Variants in RNASET2 observed in about 807,000 individuals in gnomAD.
RNASET2 encodes ribonuclease 6.
Under a neutral mutation model 33.9 loss-of-function variants are expected in RNASET2, and 28 were observed. The ratio of observed to expected loss-of-function variants is 0.83; its 90% confidence interval spans 0.61 to 1.13. The LOEUF is 1.13. Ranked by LOEUF, RNASET2 falls within the 50% of genes most tolerant of loss-of-function variation. RNASET2 has a pLI of 0.00. For synonymous variants in RNASET2, 123 were observed against 121.0 expected (o/e 1.02, Z -0.11); for missense variants, 330 against 319.9 (o/e 1.03, Z -0.24).
chr6:166,944,294 C>A (rs761498330), intron 4 of RNASET2, among the ~76,000 whole-genome samples: 3 of 152,090 alleles, frequency 2.0e-5, no homozygotes, highest in Admixed American at 6.5e-5. Flanking sequence ...CAAAAAAACC[C>A]CAAAAAGGTC....
rs939676646 is a variant in RNASET2 at position 166,926,597 on chromosome 6, TGTTA to T, written c.*2987_*2990del. Among the ~76,000 whole-genome samples the T allele has an allele frequency of 4.4e-4, 66 of 151,518 alleles. No homozygotes were observed. The highest frequency in any genetic ancestry group is 1.5e-3 in the African/African-American group (64 of 41,360). On this transcript the variant is annotated 3_prime_UTR_variant, in exon 9 of 9. Transcript: ENST00000508775. ...GTTCTGAATATGATACAATTGCTAC[TGTTA>T]GTTATTCAAGCGCATAATGATCTCC...
rs576639665 is a variant in RNASET2, at chr6:166,923,228, C to CTTTTTTTT, written c.*6352_*6359dup. ...ACAGGCGTGAGCCACCAGGCCCGGCCTTTTTTTTTTTTTTTTTTTTTGAGA... is the reference window on the plus strand; with the variant it reads ...ACAGGCGTGAGCCACCAGGCCCGGCCTTTTTTTTTTTTTTTTTTTTTTTTTTTTTGAGA... On this transcript the variant is annotated 3_prime_UTR_variant, in exon 9 of 9. Coordinates refer to ENST00000508775, the MANE Select transcript of RNASET2 (RefSeq NM_003730.6). Among the ~76,000 whole-genome samples the CTTTTTTTT allele has an allele frequency of 4.9e-5, 5 of 102,672 alleles. No individual in the cohort carries two copies. The highest frequency in any genetic ancestry group is 7.3e-5 in the Non-Finnish European group (4 of 54,584). The allele number at this position is 102,672 out of a possible 152,430, so 67.4% of individuals were successfully genotyped here.
At chr6:166,939,249 C>T (rs1018429264) in intron 5 of RNASET2, among the ~76,000 whole-genome samples, 2 of 152,138 alleles carry the variant, frequency 1.3e-5, no homozygotes, top group Admixed American at 1.3e-4. Context: ...AGGAGAATCG[C>T]TTGAACCCGG....
In RNASET2 at chr6:166,925,780, C is replaced by A. The variant is rs1192409262; in HGVS notation, c.*3808G>T. ...AACTGGGTGTTGATATCCCATGGAA[C>A]TTGCTAAACTAGGTGAGCAGAAGAG... is the stretch of plus-strand genomic sequence containing the variant. On this transcript the variant is annotated 3_prime_UTR_variant, in exon 9 of 9. Transcript: ENST00000508775. 6.6e-6 allele frequency among the ~76,000 whole-genome samples: 1 copy of A among 152,240 alleles called. No homozygotes were observed. Among genetic ancestry groups the A allele is most frequent in the African/African-American group, 2.4e-5 (1 of 41,474 alleles).
rs370838074 is a variant in RNASET2 at position 166,939,042 on chromosome 6, T to G, written c.333-34A>C. On this transcript the variant is annotated intron_variant, in intron 5 of 8. Coordinates refer to ENST00000508775, the MANE Select transcript of RNASET2 (RefSeq NM_003730.6). The stretch of plus-strand genomic sequence containing the variant: ...ATTAGGAAAAATCTCCACTTAAAAG[T>G]AGTGAAACAGGCTGCGTGCAGTGGC... 51 of 1,506,508 alleles carry G rather than the reference T, an allele frequency of 3.4e-5. No homozygotes were observed. The African/African-American group carries it at 5.5e-4, about 16-fold the overall frequency. The allele number at this position is 1,506,508 out of a possible 1,614,324, so 93.3% of individuals were successfully genotyped here.
At position 166,956,155 on chromosome 6, in the gene RNASET2, G is replaced by A; in HGVS notation, c.28C>T (p.Leu10=). 1.3e-6 allele frequency: 2 copies of A among 1,550,530 alleles called. No homozygotes were observed. Among genetic ancestry groups the A allele is most frequent in the Non-Finnish European group, 1.7e-6 (2 of 1,146,766 alleles). ...AACGCCAGGCAGAGGCAGCCCAGCA[G>A]GGCCCCGCGCAGGGCTGCAGGGCGC... MRPAALRGA[L]LGCLCLALLC... is the part of the protein sequence containing the mutation. The change falls in exon 1 of 9, where the codon CTG becomes TTG. Residue 10 remains leucine, a synonymous_variant. Coordinates refer to ENST00000508775, the MANE Select transcript of RNASET2 (RefSeq NM_003730.6).
rs1212081035 is a variant in RNASET2, at chr6:166,923,405, A to AGATAG, written c.*6178_*6182dup. Reference sequence around the variant, plus strand: ...CACCCAGCTAATGTATTTTTAGTAGAGATAGGGTTTCGTCCTGTTGGCCAG... The same window carrying AGATAG: ...CACCCAGCTAATGTATTTTTAGTAGAGATAGGATAGGGTTTCGTCCTGTTGGCCAG... On this transcript the variant is annotated 3_prime_UTR_variant, in exon 9 of 9. Transcript: ENST00000508775. Among the ~76,000 whole-genome samples, 6 of 151,870 alleles carry AGATAG rather than the reference A, an allele frequency of 4.0e-5. No individual in the cohort carries two copies. Among genetic ancestry groups the AGATAG allele is most frequent in the Non-Finnish European group, 7.4e-5 (5 of 67,968 alleles).
At chr6:166,942,439 T>C (rs1778714382) in intron 5 of RNASET2, among the ~76,000 whole-genome samples, 1 of 152,238 alleles carries the variant, frequency 6.6e-6, no homozygotes, top group South Asian at 2.1e-4. Context: ...TTCTTAGATA[T>C]GCAAGCATTG....
chr6:166,945,896 T>C (rs1271441440), intron 4 of RNASET2, among the ~76,000 whole-genome samples: 4 of 150,566 alleles, frequency 2.7e-5, no homozygotes, highest in Non-Finnish European at 5.9e-5. Flanking sequence ...ACTAATGACC[T>C]TGGGGAATGT....
rs780724457 is a variant in RNASET2 at position 166,948,662 on chromosome 6, T to C, written c.148-37A>G. ...ATATAACAAGAAAATGATTGGCTCT[T>C]TGTTTATTCAAATACACTTAGGAAC... On this transcript the variant is annotated intron_variant, in intron 2 of 8. Coordinates refer to ENST00000508775, the MANE Select transcript of RNASET2 (RefSeq NM_003730.6). The C allele has an allele frequency of 6.4e-6, 8 of 1,250,588 alleles. No individual in the cohort carries two copies. In the African/African-American group the frequency reaches 1.0e-4, roughly 16 times the overall value. 77.5% of individuals were successfully genotyped at this position (1,250,588 alleles called of 1,614,324 possible). A position where few individuals can be genotyped will look rare whatever the true frequency, so the allele number is the denominator to read the frequency against.
intron 2 of RNASET2, among the ~76,000 whole-genome samples, chr6:166,950,143 T>C (rs1314569488): frequency 6.6e-6 from 1 of 152,170 alleles, no homozygotes; most frequent in Non-Finnish European, 1.5e-5. Context: ...AGCAGCCTGG[T>C]CTCAGGCCCT....
rs764490942 is a variant in RNASET2 at position 166,924,791 on chromosome 6, A to G, written c.*4797T>C. 1.3e-5 allele frequency among the ~76,000 whole-genome samples: 2 copies of G among 152,154 alleles called. No individual in the cohort carries two copies. Among genetic ancestry groups the G allele is most frequent in the Non-Finnish European group, 2.9e-5 (2 of 68,020 alleles). On this transcript the variant is annotated 3_prime_UTR_variant, in exon 9 of 9. Coordinates refer to ENST00000508775, the MANE Select transcript of RNASET2 (RefSeq NM_003730.6). Reference sequence around the variant, plus strand: ...AACATGGAGAAAACCCATCTCTACTAAAAATACAAAATTAGCCGGGCATGG... The same window carrying G: ...AACATGGAGAAAACCCATCTCTACTGAAAATACAAAATTAGCCGGGCATGG...
intron 4 of RNASET2, chr6:166,943,880 C>T (rs141971027): frequency 0.017 from 6,408 of 371,524 alleles, 361 homozygotes; most frequent in African/African-American, 0.12. Context: ...CCAGCACTTT[C>T]GGAGGCCGAT....
At position 166,933,879 on chromosome 6, in the gene RNASET2, G is replaced by A; in HGVS notation, c.492+212C>T. ...TCACAAAGGGAGCCATGAAATCTGT[G>A]CTTCCAAATCACTGGTCTAAGCAGC... On this transcript the variant is annotated intron_variant, in intron 7 of 8. Coordinates refer to ENST00000508775, the MANE Select transcript of RNASET2 (RefSeq NM_003730.6). This position sits in a 1 kb window ranked among gnomAD's most constrained non-coding sequence, Gnocchi z 4.1. 1.7e-6 allele frequency: 1 copy of A among 596,742 alleles called. No individual in the cohort carries two copies. The highest frequency in any genetic ancestry group is 3.0e-6 in the Non-Finnish European group (1 of 334,652). 37.0% of individuals were successfully genotyped at this position (596,742 alleles called of 1,614,324 possible).
At position 166,938,885 on chromosome 6, in the gene RNASET2, G is replaced by A. The variant is rs964307410; in HGVS notation, c.446+10C>T. On this transcript the variant is annotated intron_variant, in intron 6 of 8. Transcript: ENST00000508775. The stretch of plus-strand genomic sequence containing the variant: ...ACTGGGAAGTGCAGCCGGGGGAAGG[G>A]CGCACCCACCTGTTGAGGTCCAGCT... The A allele has an allele frequency of 3.2e-6, 5 of 1,585,406 alleles. No individual in the cohort carries two copies. Among genetic ancestry groups the A allele is most frequent in the African/African-American group, 1.3e-5 (1 of 74,446 alleles).
rs1051519992 is a variant in RNASET2 at position 166,922,666 on chromosome 6, T to C, written c.*6922A>G. 3.3e-5 allele frequency among the ~76,000 whole-genome samples: 5 copies of C among 152,244 alleles called. No homozygotes were observed. The highest frequency in any genetic ancestry group is 5.9e-5 in the Non-Finnish European group (4 of 68,042). ...TTGGTGACTGGCTGAATCTTGTACA[T>C]GACTTTTGATGTATGTTGTTATCTT... On this transcript the variant is annotated 3_prime_UTR_variant, in exon 9 of 9. Coordinates refer to ENST00000508775, the MANE Select transcript of RNASET2 (RefSeq NM_003730.6).
Position 166,931,124 on chromosome 6 carries a change from T to C in RNASET2, c.493-6A>G. 6.3e-7 allele frequency: 1 copy of C among 1,584,320 alleles called. No individual in the cohort carries two copies. The highest frequency in any genetic ancestry group is 8.7e-7 in the Non-Finnish European group (1 of 1,152,960). ...GCATCTTTAAAATCTGCAACCTGAT[T>C]TTAAATACAAGTGTATTAGAAATTA... On this transcript the variant is annotated splice_polypyrimidine_tract_variant and splice_region_variant and intron_variant, in intron 7 of 8. Coordinates refer to ENST00000508775, the MANE Select transcript of RNASET2 (RefSeq NM_003730.6).
chr6:166,929,562 A>G lies in RNASET2; in HGVS notation c.*26T>C. 1 of 1,610,472 alleles carries G rather than the reference A, an allele frequency of 6.2e-7. No individual in the cohort carries two copies. The highest frequency in any genetic ancestry group is 1.1e-5 in the South Asian group (1 of 90,952). On this transcript the variant is annotated 3_prime_UTR_variant, in exon 9 of 9. Transcript: ENST00000508775. ...TTTGTGAATTTCTCTTGCTTTTTAA[A>G]ACAGAATATTTCCAAAACTTGGGCA...
At chr6:166,939,761 T>C (rs932436352) in intron 5 of RNASET2, among the ~76,000 whole-genome samples, 2 of 152,170 alleles carry the variant, frequency 1.3e-5, no homozygotes, top group Non-Finnish European at 2.9e-5. Flanking sequence ...CTACAAATTA[T>C]AGTTTAAGCA....
Sources: allele counts gnomAD v4.1 joint callset (sites outside exome capture counted in the v4.1 genomes callset), GRCh38; gene constraint gnomAD v4.1.1; non-coding constraint Gnocchi (gnomAD v3.1); transcripts MANE v1.5; gene names NCBI Gene and HGNC (gene_info 2026-07-23, HGNC 2026-07-21).